The following U2AF1 variants were observed in gnomAD, a reference collection of about 807,000 sequenced individuals.
U2AF1 encodes U2 small nuclear RNA auxiliary factor 1, also known as splicing factor U2AF 35 kDa subunit.
For missense variants in U2AF1, 4 were observed against 75.9 expected (o/e 0.05, Z 3.52); for synonymous variants, 8 against 27.2 (o/e 0.29, Z 2.20).
chr21:43,107,433 C>CG lies in U2AF1; in HGVS notation c.44+17dup, dbSNP rs1254570525. ...CGCCCCGATCGCGCCCAACCCCCGGCGGGGGGCTCCCACTCACTTGTCTTT... is the reference window on the plus strand; with the variant it reads ...CGCCCCGATCGCGCCCAACCCCCGGCGGGGGGGCTCCCACTCACTTGTCTTT... On this transcript the variant is annotated intron_variant, in intron 1 of 7. Coordinates refer to ENST00000291552, the MANE Select transcript of U2AF1 (RefSeq NM_006758.3). 6 of 549,534 alleles carry CG rather than the reference C, an allele frequency of 1.1e-5. 1 individual carries two copies. The highest frequency in any genetic ancestry group is 8.3e-5 in the South Asian group (4 of 48,274). The allele number at this position is 549,534 out of a possible 1,614,324, so 34.0% of individuals were successfully genotyped here.
chr21:43,097,715 C>T lies in U2AF1; in HGVS notation c.200-1972G>A, dbSNP rs150197421. The T allele has an allele frequency of 1.5e-4, 15 of 97,518 alleles. No homozygotes were observed. In the East Asian group the frequency reaches 3.0e-3, roughly 20 times the overall value. The allele number at this position is 97,518 out of a possible 1,614,324, so 6.0% of individuals were successfully genotyped here. ...CTAATTTTTGTAGTTTTAGTAGAGACGGGGTTCCACCATGTTGGCCAGGAT... is the reference window on the plus strand; with the variant it reads ...CTAATTTTTGTAGTTTTAGTAGAGATGGGGTTCCACCATGTTGGCCAGGAT... On this transcript the variant is annotated intron_variant, in intron 3 of 7. Coordinates refer to ENST00000291552, the MANE Select transcript of U2AF1 (RefSeq NM_006758.3).
chr21:43,097,659 T>C, intron 3 of U2AF1: 1 of 82,924 alleles, frequency 1.2e-5, no homozygotes, highest in East Asian at 2.3e-4. Context: ...TCTCACTGTC[T>C]CCAGGCTGGA....
chr21:43,096,059 ATT>A, intron 3 of U2AF1: 1 of 11,544 alleles, frequency 8.7e-5, no homozygotes, highest in Non-Finnish European at 1.7e-4. Context: ...CAAACTACAA[ATT>A]TTTTTTTTAC....
rs967843130 is a variant in U2AF1, at chr21:43,095,486, G to A, written c.300C>T (p.Asn100=). 1 of 895,746 alleles carries A rather than the reference G, an allele frequency of 1.1e-6. No individual in the cohort carries two copies. Among genetic ancestry groups the A allele is most frequent in the Non-Finnish European group, 1.7e-6 (1 of 589,832 alleles). The allele number at this position is 895,746 out of a possible 1,614,324, so 55.5% of individuals were successfully genotyped here. The change falls in exon 5 of 8, where the codon AAC becomes AAT. Residue 100 remains asparagine, a synonymous_variant. Coordinates refer to ENST00000291552, the MANE Select transcript of U2AF1 (RefSeq NM_006758.3). ...EEKYGEVEEM[N]VCDNLGDHLV... is the part of the protein sequence containing the mutation. ...GGTGGTCTCCCAGGTTGTCACAGAC[G>A]TTCATCTCCTCTACTTCCCCATACT...
intron 5 of U2AF1, chr21:43,095,158 G>A (rs1437501981): frequency 3.2e-6 from 1 of 310,686 alleles, no homozygotes; most frequent in Non-Finnish European, 5.8e-6. Context: ...AATAACGATG[G>A]CTGTGGTGTA....
rs1245788541 is a variant in U2AF1, at chr21:43,097,606, C to T, written c.200-1863G>A. 2.5e-5 allele frequency: 2 copies of T among 79,280 alleles called. 1 individual carries two copies. The highest frequency in any genetic ancestry group is 5.0e-5 in the Non-Finnish European group (2 of 39,906). The allele number at this position is 79,280 out of a possible 1,614,324, so 4.9% of individuals were successfully genotyped here. A position where few individuals can be genotyped will look rare whatever the true frequency, so the allele number is the denominator to read the frequency against. ...TGGCACACGGGTCTTTGAGCTTGCT[C>T]AAAACTCTTTTTATCTTTTTTTTTT... is the stretch of plus-strand genomic sequence containing the variant. On this transcript the variant is annotated intron_variant, in intron 3 of 7. Transcript: ENST00000291552.
Position 43,094,869 on chromosome 21 carries a change from G to A in U2AF1, c.349-81C>T. ...ATTACCAATCCAAGTATATCAGAGA[G>A]AGATATACACACTCAGGTATAGTAA... is the stretch of plus-strand genomic sequence containing the variant. On this transcript the variant is annotated intron_variant, in intron 5 of 7. Coordinates refer to ENST00000291552, the MANE Select transcript of U2AF1 (RefSeq NM_006758.3). 9.5e-6 allele frequency: 9 copies of A among 952,200 alleles called. 1 individual carries two copies. The highest frequency in any genetic ancestry group is 1.2e-5 in the Non-Finnish European group (8 of 663,542). 59.0% of individuals were successfully genotyped at this position (952,200 alleles called of 1,614,324 possible).
intron 3 of U2AF1, chr21:43,097,740 T>C (rs1236828408): frequency 1.9e-5 from 2 of 104,162 alleles, no homozygotes; most frequent in African/African-American, 8.3e-5. Context: ...TTGGCCAGGA[T>C]GGTCTCAATC....
chr21:43,107,186 C>T (rs1984834456), intron 1 of U2AF1, among the ~76,000 whole-genome samples: 1 of 113,626 alleles, frequency 8.8e-6, no homozygotes, highest in Admixed American at 9.2e-5. Flanking sequence ...AGTCCGGACC[C>T]CAAGGCCGGA....
chr21:43,107,317 G>A lies in U2AF1; in HGVS notation c.44+134C>T, dbSNP rs1247785915. On this transcript the variant is annotated intron_variant, in intron 1 of 7. Transcript: ENST00000291552. ...CGCGCAAGGGGCCGGAAGGGCCACC[G>A]CTCCTTCCCGCCGCGCGCCCCTCCC... 2.2e-5 allele frequency: 5 copies of A among 225,054 alleles called. 1 individual carries two copies. The East Asian group carries it at 2.4e-4, about 11-fold the overall frequency. 13.9% of individuals were successfully genotyped at this position (225,054 alleles called of 1,614,324 possible).
chr21:43,097,707 A>G (rs1452912856), intron 3 of U2AF1: 1 of 81,284 alleles, frequency 1.2e-5, no homozygotes, highest in African/African-American at 5.9e-5. Context: ...TTGTAGTTTT[A>G]GTAGAGACGG....
Position 43,107,140 on chromosome 21 carries a change from C to T in U2AF1, c.44+311G>A, listed in dbSNP as rs1984830023. On this transcript the variant is annotated intron_variant, in intron 1 of 7. Coordinates refer to ENST00000291552, the MANE Select transcript of U2AF1 (RefSeq NM_006758.3). ...GCGGCTCGAGGCGGCTTCCGGGAGT[C>T]GGCGACTCGGAGGCCCGGACGTCGG... Among the ~76,000 whole-genome samples, 2 of 112,628 alleles carry T rather than the reference C, an allele frequency of 1.8e-5. 1 individual carries two copies. The highest frequency in any genetic ancestry group is 3.8e-5 in the Non-Finnish European group (2 of 52,126). 73.9% of individuals were successfully genotyped at this position (112,628 alleles called of 152,430 possible). A position where few individuals can be genotyped will look rare whatever the true frequency, so the allele number is the denominator to read the frequency against.
chr21:43,107,393 G>C (rs1205209756), intron 1 of U2AF1, 58 bp downstream of exon 1: 1 of 301,738 alleles, frequency 3.3e-6, no homozygotes, highest in Non-Finnish European at 5.6e-6. Flanking sequence ...CCCTCCCACC[G>C]CCTCAACCAC....
intron 3 of U2AF1, chr21:43,097,630 T>C (rs1331233630): frequency 1.1e-5 from 1 of 91,788 alleles, no homozygotes; most frequent in Non-Finnish European, 2.2e-5. Flanking sequence ...TCTTTTTTTT[T>C]TTTTTTTTTG....
rs994137867 is a variant in U2AF1 at position 43,095,307 on chromosome 21, G to A, written c.348+131C>T. 24 of 464,278 alleles carry A rather than the reference G, an allele frequency of 5.2e-5. 7 individuals are homozygous for A. Among genetic ancestry groups the A allele is most frequent in the East Asian group, 5.6e-5 (2 of 35,492 alleles). The allele number at this position is 464,278 out of a possible 1,614,324, so 28.8% of individuals were successfully genotyped here. A position where few individuals can be genotyped will look rare whatever the true frequency, so the allele number is the denominator to read the frequency against. ...CATCCAGGATCTCAAGGTGCATGGC[G>A]ACAGGCACCCCATCCTCTGTCGGCC... On this transcript the variant is annotated intron_variant, in intron 5 of 7. Transcript: ENST00000291552.
rs531871484 is a variant in U2AF1, at chr21:43,095,219, G to A, written c.348+219C>T. 6.8e-4 allele frequency: 285 copies of A among 421,776 alleles called. 82 individuals are homozygous for A. The highest frequency in any genetic ancestry group is 1.7e-3 in the South Asian group (68 of 39,204). The allele number at this position is 421,776 out of a possible 1,614,324, so 26.1% of individuals were successfully genotyped here. ...TGGGCGCACGTGTGGGCTGGCCACC[G>A]CCACATATGACGCAGCTGGTAGGCG... On this transcript the variant is annotated intron_variant, in intron 5 of 7. Coordinates refer to ENST00000291552, the MANE Select transcript of U2AF1 (RefSeq NM_006758.3).
chr21:43,098,130 TAAG>T (rs144550327), intron 3 of U2AF1: 1 of 53,404 alleles, frequency 1.9e-5, no homozygotes, highest in Admixed American at 2.3e-4. Context: ...CCTTCCCACA[TAAG>T]AAGAATGTGA....
Position 43,097,889 on chromosome 21 carries a change from C to T in U2AF1, c.200-2146G>A, listed in dbSNP as rs1004892284. 16 of 112,150 alleles carry T rather than the reference C, an allele frequency of 1.4e-4. 5 individuals are homozygous for T. The highest frequency in any genetic ancestry group is 4.9e-4 in the African/African-American group (13 of 26,746). The allele number at this position is 112,150 out of a possible 1,614,324, so 6.9% of individuals were successfully genotyped here. A position where few individuals can be genotyped will look rare whatever the true frequency, so the allele number is the denominator to read the frequency against. The stretch of plus-strand genomic sequence containing the variant: ...TCTAATTCTGAGAATGATTTAAGTT[C>T]ACTTTCTAACCTATCCGGGGCTGTT... On this transcript the variant is annotated intron_variant, in intron 3 of 7. Transcript: ENST00000291552.
rs1205665459 is a variant in U2AF1, at chr21:43,107,086, A to G, written c.44+365T>C. Among the ~76,000 whole-genome samples, 3 of 103,654 alleles carry G rather than the reference A, an allele frequency of 2.9e-5. 1 individual carries two copies. The highest frequency in any genetic ancestry group is 6.1e-5 in the Non-Finnish European group (3 of 48,858). 68.0% of individuals were successfully genotyped at this position (103,654 alleles called of 152,430 possible). ...TGGAACAAACGTGTCCACGTCCAAAAGGCCCGGATGCTCCAGGCAACTTTC... is the reference window on the plus strand; with the variant it reads ...TGGAACAAACGTGTCCACGTCCAAAGGGCCCGGATGCTCCAGGCAACTTTC... On this transcript the variant is annotated intron_variant, in intron 1 of 7. Transcript: ENST00000291552.
Sources: gnomAD v4.1 joint callset for allele counts (sites outside exome capture counted in the v4.1 genomes callset) on GRCh38, gnomAD v4.1.1 for gene constraint, MANE v1.5 for transcripts, NCBI Gene and HGNC (gene_info 2026-07-23, HGNC 2026-07-21) for gene names.